Variants in DNAH12 observed in about 807,000 individuals in gnomAD.
DNAH12 encodes axonemal beta dynein heavy chain 12.
In DNAH12, 285 loss-of-function variants were observed where a neutral mutation model predicts 371.5. The ratio of observed to expected loss-of-function variants is 0.77; its 90% CI spans 0.70 to 0.85. The LOEUF (loss-of-function observed/expected upper bound fraction) is 0.85. Among genes scored for constraint, DNAH12 ranks in the 40% least tolerant of loss-of-function variants. The probability of loss-of-function intolerance (pLI) is 0.00; values close to 1 mark genes in which losing one functional copy is unlikely to be tolerated. For missense variants in DNAH12, 3,611 were observed against 3,689.4 expected (o/e 0.98, Z 0.55); for synonymous variants, 1,200 against 1,213.0 (o/e 0.99, Z 0.22).
intron 7 of DNAH12, among the ~76,000 whole-genome samples, 167 bp downstream of exon 7, chr3:57,508,214 AC>A (rs1230607017): frequency 3.4e-4 from 49 of 142,114 alleles, no homozygotes; most frequent in South Asian, 6.9e-4. Flanking sequence ...AAAAAAAAAA[AC>A]CAAAAAAAAC....
rs964122351 is a variant in DNAH12, at chr3:57,366,557, G to A, written c.9167+172C>T. On this transcript the variant is annotated intron_variant, in intron 57 of 73. Transcript: ENST00000495027. ...CCATACTAAAAGCCCAATATAACACGGTTGGCTTATAACTTACTTGTTACA... is the reference window on the plus strand; with the variant it reads ...CCATACTAAAAGCCCAATATAACACAGTTGGCTTATAACTTACTTGTTACA... Among the ~76,000 whole-genome samples, 429 of 152,056 alleles carry A rather than the reference G, an allele frequency of 2.8e-3. 1 individual carries two copies. Among genetic ancestry groups the A allele is most frequent in the African/African-American group, 9.9e-3 (409 of 41,474 alleles).
chr3:57,326,852 A>G (rs1575456068), intron 62 of DNAH12, among the ~76,000 whole-genome samples: 1 of 152,332 alleles, frequency 6.6e-6, no homozygotes, highest in South Asian at 2.1e-4. Flanking sequence ...TCAAAATAAA[A>G]GGATGGAGGA....
In DNAH12 at chr3:57,501,259, G is replaced by C. The variant is rs556550817; in HGVS notation, c.1335+62C>G. On this transcript the variant is annotated intron_variant, in intron 11 of 73. Transcript: ENST00000495027. ...ATTTAAGCATTTACTTTTTAGAATG[G>C]AAAGATCCTAATGTTACAAAAAAAT... 29 of 1,231,320 alleles carry C rather than the reference G, an allele frequency of 2.4e-5. No homozygotes were observed. The African/African-American group carries it at 4.2e-4, about 18-fold the overall frequency. 76.3% of individuals were successfully genotyped at this position (1,231,320 alleles called of 1,614,324 possible).
In DNAH12 at chr3:57,408,324, C is replaced by G. The variant is rs2064100439; in HGVS notation, c.6232G>C (p.Glu2078Gln). 6.4e-7 allele frequency: 1 copy of G among 1,551,108 alleles called. No individual in the cohort carries two copies. The change falls in exon 40 of 74, where the codon GAG becomes CAG. Residue 2078 changes from glutamate to glutamine, a missense_variant. Coordinates refer to ENST00000495027, the MANE Select transcript of DNAH12 (RefSeq NM_001366028.2). ...ATCTGGTTCCCAATTACAAAGTACT[C>G]TGGAGGAAATTCATGAGTTCTAAGG... ...FYLRTHEFPP[E>Q]YFVIGNQIVN...
intron 65 of DNAH12, 26 bp from the exon 66 acceptor site, chr3:57,314,657 GAA>G (rs150487595): frequency 6.6e-7 from 1 of 1,509,340 alleles, no homozygotes; most frequent in Admixed American, 2.7e-5. Flanking sequence ...TACATAACAA[GAA>G]AAAAAATTCC....
intron 55 of DNAH12, among the ~76,000 whole-genome samples, chr3:57,369,023 A>G (rs2063110428): frequency 6.6e-6 from 1 of 151,904 alleles, no homozygotes; most frequent in African/African-American, 2.4e-5. Context: ...CCTGGCCAAC[A>G]TGGTGAAAGC....
Position 57,424,470 on chromosome 3 carries a change from C to CAAAA in DNAH12, c.5373+548_5373+551dup, listed in dbSNP as rs71088068. Among the ~76,000 whole-genome samples, 1,032 of 118,330 alleles carry CAAAA rather than the reference C, an allele frequency of 8.7e-3. 27 individuals carry two copies. Among genetic ancestry groups the CAAAA allele is most frequent in the African/African-American group, 0.03 (903 of 30,442 alleles). The allele number at this position is 118,330 out of a possible 152,430, so 77.6% of individuals were successfully genotyped here. On this transcript the variant is annotated intron_variant, in intron 35 of 73. Coordinates refer to ENST00000495027, the MANE Select transcript of DNAH12 (RefSeq NM_001366028.2). ...TGGGCAACAGGGCAAGATTCCATCT[C>CAAAA]AAAAAAAAAAAAAAAATTGGATAGT...
At chr3:57,378,151 G>T (rs1475041765) in intron 52 of DNAH12, among the ~76,000 whole-genome samples, 1 of 152,114 alleles carries the variant, frequency 6.6e-6, no homozygotes, top group Non-Finnish European at 1.5e-5. Context: ...CCATGCTTCT[G>T]TATCAGCATG....
intron 12 of DNAH12, among the ~76,000 whole-genome samples, chr3:57,488,129 C>A (rs1432288988): frequency 6.6e-6 from 1 of 152,072 alleles, no homozygotes; most frequent in Admixed American, 6.6e-5. Flanking sequence ...AGATATTTTA[C>A]AAATGTTATC....
chr3:57,453,891 T>C (rs2065829169), intron 23 of DNAH12, among the ~76,000 whole-genome samples: 1 of 152,104 alleles, frequency 6.6e-6, no homozygotes, highest in East Asian at 1.9e-4. Context: ...GGAAGATCAT[T>C]TGAGGACATG....
At chr3:57,447,876 T>C (rs1196566930) in intron 25 of DNAH12, among the ~76,000 whole-genome samples, 1 of 152,128 alleles carries the variant, frequency 6.6e-6, no homozygotes, top group Non-Finnish European at 1.5e-5. Flanking sequence ...GGTCTCACTG[T>C]GTTGCCCAAG....
At chr3:57,298,749 CCTT>C (rs1053617161) in intron 70 of DNAH12, among the ~76,000 whole-genome samples, 17 of 152,150 alleles carry the variant, frequency 1.1e-4, no homozygotes, top group Non-Finnish European at 2.1e-4. Flanking sequence ...GAACTCTCTC[CCTT>C]CTTTGAAATC....
intron 39 of DNAH12, 41 bp from the exon 40 acceptor site, chr3:57,408,576 A>T: frequency 1.4e-6 from 2 of 1,463,604 alleles, no homozygotes; most frequent in African/African-American, 1.4e-5. Context: ...ATCTGTTATA[A>T]AGACATTAAG....
intron 22 of DNAH12, 49 bp downstream of exon 22, chr3:57,457,672 C>A: frequency 6.8e-7 from 1 of 1,476,308 alleles, no homozygotes. Context: ...ACCTCTTAAA[C>A]AAAGCATTTG....
chr3:57,374,647 C>T (rs1189274404), intron 55 of DNAH12, among the ~76,000 whole-genome samples: 1 of 151,864 alleles, frequency 6.6e-6, no homozygotes, highest in Non-Finnish European at 1.5e-5. Flanking sequence ...TAGAAATAGC[C>T]CAGAGGTCCA....
chr3:57,324,678 G>A (rs1195596491), intron 62 of DNAH12, among the ~76,000 whole-genome samples: 1 of 152,186 alleles, frequency 6.6e-6, no homozygotes, highest in Admixed American at 6.5e-5. Context: ...TTCCATCTGA[G>A]GTACTTGGTT....
chr3:57,339,369 T>A (rs2062333607), intron 60 of DNAH12, among the ~76,000 whole-genome samples: 2 of 130,058 alleles, frequency 1.5e-5, no homozygotes, highest in Non-Finnish European at 1.6e-5. Flanking sequence ...CCAAGAATGA[T>A]CAATAAATAC....
chr3:57,405,578 A>T (rs2063998973), intron 41 of DNAH12, 75 bp downstream of exon 41: 18 of 1,407,822 alleles, frequency 1.3e-5, no homozygotes, highest in Middle Eastern at 5.2e-4. Context: ...AATGATTTTT[A>T]AAAATATAAC....
chr3:57,545,268 C>T (rs1464048586), upstream of DNAH12, among the ~76,000 whole-genome samples: 1 of 150,764 alleles, frequency 6.6e-6, no homozygotes, highest in Non-Finnish European at 1.5e-5. Flanking sequence ...CTCAGCCTTC[C>T]AAGTAGTTGG....
Sources: allele counts gnomAD v4.1 joint callset (sites outside exome capture counted in the v4.1 genomes callset), GRCh38; gene constraint gnomAD v4.1.1; transcripts MANE v1.5; gene names NCBI Gene and HGNC (gene_info 2026-07-23, HGNC 2026-07-21).